The following NUP98 variants were observed in gnomAD, a reference collection of about 807,000 sequenced individuals.
The protein encoded by NUP98 is nucleoporin 98 and 96 precursor.
A neutral mutation model predicts 191.9 loss-of-function variants in NUP98; 26 were observed. The observed-to-expected ratio is 0.14, with a 90% confidence interval of 0.10 to 0.19. The LOEUF is 0.19. NUP98 is among the 10% of genes least tolerant of loss of function. NUP98 has a pLI of 1.00. For synonymous variants in NUP98, 808 were observed against 778.4 expected (o/e 1.04, Z -0.63); for missense variants, 1,941 against 2,178.8 (o/e 0.89, Z 2.17).
At chr11:3,779,416 C>T (rs965259793) in intron 2 of NUP98, among the ~76,000 whole-genome samples, 159 bp from the exon 3 acceptor site, 4 of 151,980 alleles carry the variant, frequency 2.6e-5, no homozygotes, top group African/African-American at 7.3e-5. Flanking sequence ...CCGAGGCGGG[C>T]GGATCACCTG....
intron 5 of NUP98, 143 bp from the exon 6 acceptor site, chr11:3,773,882 T>C (rs1169250676): frequency 1.9e-6 from 1 of 530,020 alleles, no homozygotes. Flanking sequence ...CTTGATTAAA[T>C]ATACTGCCAT....
intron 4 of NUP98, among the ~76,000 whole-genome samples, chr11:3,776,980 G>A (rs1240575903): frequency 6.6e-6 from 1 of 152,134 alleles, no homozygotes; most frequent in Non-Finnish European, 1.5e-5. Context: ...TTAACTACAT[G>A]CTGAATGAAC....
intron 10 of NUP98, among the ~76,000 whole-genome samples, chr11:3,754,718 G>T (rs1428810957): frequency 6.6e-6 from 1 of 152,090 alleles, no homozygotes; most frequent in South Asian, 2.1e-4. Context: ...AAGGTGGGCA[G>T]GTCACTGGAG....
At chr11:3,779,637 G>C (rs1031570147) in intron 2 of NUP98, among the ~76,000 whole-genome samples, 1 of 27,058 alleles carries the variant, frequency 3.7e-5, no homozygotes, top group Non-Finnish European at 7.2e-5. Flanking sequence ...GTGAAACGCC[G>C]TCTCAAAAAA....
chr11:3,742,298 A>C (rs2080312261), intron 12 of NUP98, among the ~76,000 whole-genome samples: 1 of 152,254 alleles, frequency 6.6e-6, no homozygotes, highest in Non-Finnish European at 1.5e-5. Context: ...TTGTAACAGA[A>C]TCATTTGCAA....
chr11:3,766,159 G>A (rs939241723), intron 8 of NUP98, among the ~76,000 whole-genome samples: 7 of 152,138 alleles, frequency 4.6e-5, no homozygotes, highest in East Asian at 1.9e-4. Flanking sequence ...CAGATTGTTC[G>A]AGCCCAGAAG....
chr11:3,709,456 G>A (rs1014623136), intron 20 of NUP98, among the ~76,000 whole-genome samples: 3 of 151,954 alleles, frequency 2.0e-5, no homozygotes, highest in Non-Finnish European at 4.4e-5. Context: ...TATAATCCCA[G>A]CACATTGGGA....
chr11:3,683,953 A>AGG lies in NUP98; in HGVS notation c.4677-513_4677-512insCC, dbSNP rs2078058314. Among the ~76,000 whole-genome samples the AGG allele has an allele frequency of 2.0e-5, 3 of 152,214 alleles. No homozygotes were observed. The South Asian group carries it at 6.2e-4, about 32-fold the overall frequency. ...CCAGGCACAGTGCCTCACGCCTGTA[A>AGG]TCCCAGCACTTTGGGAGGTCAAGGT... On this transcript the variant is annotated intron_variant, in intron 29 of 32. Transcript: ENST00000324932.
intron 8 of NUP98, among the ~76,000 whole-genome samples, chr11:3,764,220 C>T (rs1054383625): frequency 1.3e-5 from 2 of 152,080 alleles, no homozygotes; most frequent in South Asian, 2.1e-4. Context: ...TCTTTGGTGA[C>T]GGGCTTCTTT....
At chr11:3,680,727 T>G (rs1352753148) in intron 30 of NUP98, among the ~76,000 whole-genome samples, 1 of 152,030 alleles carries the variant, frequency 6.6e-6, no homozygotes, top group Admixed American at 6.5e-5. Context: ...TTTGTACTTT[T>G]GGTACAGATG....
intron 12 of NUP98, among the ~76,000 whole-genome samples, chr11:3,740,367 C>T (rs1407149747): frequency 2.6e-5 from 4 of 151,838 alleles, no homozygotes; most frequent in Admixed American, 6.6e-5. Flanking sequence ...AAAAATTAGC[C>T]GGGCGTGGTG....
intron 8 of NUP98, among the ~76,000 whole-genome samples, chr11:3,765,551 G>T (rs978789078): frequency 1.3e-5 from 2 of 152,132 alleles, no homozygotes; most frequent in African/African-American, 4.8e-5. Flanking sequence ...TGTAATCCCA[G>T]CACTTTGAGA....
At chr11:3,778,275 G>A (rs557425585) in intron 4 of NUP98, among the ~76,000 whole-genome samples, 1 of 151,632 alleles carries the variant, frequency 6.6e-6, no homozygotes, top group Non-Finnish European at 1.5e-5. Flanking sequence ...TCTTGTGCCA[G>A]GAATGGAATC....
At chr11:3,688,329 C>T (rs2078191067) in intron 28 of NUP98, among the ~76,000 whole-genome samples, 1 of 151,974 alleles carries the variant, frequency 6.6e-6, no homozygotes, top group African/African-American at 2.4e-5. Flanking sequence ...TGGTGTGAAC[C>T]CAGGAGGCAG....
At chr11:3,745,064 T>C (rs542819703) in intron 11 of NUP98, among the ~76,000 whole-genome samples, 1 of 152,344 alleles carries the variant, frequency 6.6e-6, no homozygotes, top group South Asian at 2.1e-4. Context: ...GTCACAATGT[T>C]ATAAATGATA....
At chr11:3,750,307 G>A (rs886877582) in intron 11 of NUP98, among the ~76,000 whole-genome samples, 51 of 151,926 alleles carry the variant, frequency 3.4e-4, no homozygotes, top group Admixed American at 3.3e-3. Flanking sequence ...TTTTAGTACA[G>A]AGAGGGTCTC....
chr11:3,685,298 G>A (rs1237951140), intron 29 of NUP98, among the ~76,000 whole-genome samples: 1 of 152,154 alleles, frequency 6.6e-6, no homozygotes, highest in Non-Finnish European at 1.5e-5. Flanking sequence ...ATATACCTAA[G>A]CACAAGGCTG....
chr11:3,729,399 G>A (rs1327547461), intron 14 of NUP98, among the ~76,000 whole-genome samples: 2 of 151,788 alleles, frequency 1.3e-5, no homozygotes, highest in Non-Finnish European at 2.9e-5. Context: ...GATCAACTGC[G>A]TAAAATGCTT....
chr11:3,743,646 C>CAAAA (rs34382341), intron 12 of NUP98, among the ~76,000 whole-genome samples: 1 of 49,400 alleles, frequency 2.0e-5, no homozygotes, highest in Non-Finnish European at 4.4e-5. Flanking sequence ...AACTCCATCT[C>CAAAA]AAAAAAAAAA....
Sources: allele counts gnomAD v4.1 joint callset (sites outside exome capture counted in the v4.1 genomes callset), GRCh38; gene constraint gnomAD v4.1.1; transcripts MANE v1.5; gene names NCBI Gene and HGNC (gene_info 2026-07-23, HGNC 2026-07-21).